Variants in MON2 observed in about 807,000 individuals in gnomAD.
MON2 encodes the protein MON2 regulator of endosome-to-Golgi trafficking.
MON2 carries 84 observed loss-of-function variants against 208.6 expected under a neutral mutation model. That is an observed-to-expected ratio of 0.40 (90% CI 0.34 to 0.48). MON2 has a LOEUF of 0.48. MON2 is among the 20% of genes least tolerant of loss of function. MON2 has a pLI of 0.59. For missense variants in MON2, 1,611 were observed against 2,015.4 expected (o/e 0.80, Z 3.84); for synonymous variants, 660 against 694.0 (o/e 0.95, Z 0.77).
chr12:62,579,960 A>G (rs1320195058), intron 31 of MON2, among the ~76,000 whole-genome samples: 3 of 152,132 alleles, frequency 2.0e-5, no homozygotes, highest in Non-Finnish European at 4.4e-5. Context: ...TCTTAATCCT[A>G]TTTTGAATAT....
At chr12:62,582,576 A>G (rs763717564) in intron 32 of MON2, among the ~76,000 whole-genome samples, 6 of 152,186 alleles carry the variant, frequency 3.9e-5, no homozygotes, top group Non-Finnish European at 7.3e-5. Context: ...TCTTCAGTCA[A>G]TAATGTAAAA....
intron 7 of MON2, among the ~76,000 whole-genome samples, chr12:62,506,554 C>A (rs768482917): frequency 6.6e-6 from 1 of 151,914 alleles, no homozygotes; most frequent in Non-Finnish European, 1.5e-5. Flanking sequence ...GGTGAAACCC[C>A]GTCTCTACTA....
At chr12:62,470,872 G>C in intron 1 of MON2, 2 of 388,894 alleles carry the variant, frequency 5.1e-6, no homozygotes, top group Non-Finnish European at 7.1e-6. Flanking sequence ...TTGATATTTA[G>C]TAACATTGCC....
chr12:62,563,341 T>A (rs2074264952), intron 26 of MON2, among the ~76,000 whole-genome samples: 1 of 152,212 alleles, frequency 6.6e-6, no homozygotes, highest in South Asian at 2.1e-4. Flanking sequence ...GTTATTTTCA[T>A]CATCAAGTTC....
In MON2 at chr12:62,598,579, C is replaced by T. The variant is rs1262453807; in HGVS notation, c.*5830C>T. 2.6e-5 allele frequency: 4 copies of T among 152,164 alleles called. No individual in the cohort carries two copies. Among genetic ancestry groups the T allele is most frequent in the Non-Finnish European group, 5.9e-5 (4 of 68,024 alleles). The allele number at this position is 152,164 out of a possible 1,614,324, so 9.4% of individuals were successfully genotyped here. ...ATAATTTAACACGTAACATACAACT[C>T]CTGTCTCTTAAGGCAGCTACCATAT... On this transcript the variant is annotated 3_prime_UTR_variant, in exon 35 of 35. Transcript: ENST00000393630.
At chr12:62,538,624 T>C (rs966523049) in intron 19 of MON2, 119 bp downstream of exon 19, 1 of 712,396 alleles carries the variant, frequency 1.4e-6, no homozygotes, top group Non-Finnish European at 2.3e-6. Context: ...GTAACCATAC[T>C]CTGTTGGGTT....
chr12:62,541,136 C>G (rs1381364689), intron 19 of MON2, among the ~76,000 whole-genome samples: 3 of 152,236 alleles, frequency 2.0e-5, no homozygotes, highest in Non-Finnish European at 4.4e-5. Flanking sequence ...AATCCCAGCA[C>G]TTTGGGAGGC....
chr12:62,474,203 C>T (rs1459766493), intron 1 of MON2, among the ~76,000 whole-genome samples: 5 of 151,560 alleles, frequency 3.3e-5, no homozygotes, highest in African/African-American at 7.3e-5. Flanking sequence ...ACTGCAACCT[C>T]CGCCTCCCAG....
chr12:62,578,429 T>TG lies in MON2; in HGVS notation c.4515-15dup, dbSNP rs2074872634. ...GAATATTTTATCTTTAAAAATCAAG[T>TG]GTTTTTTTTTTTTAGCATACCTCCA... On this transcript the variant is annotated splice_polypyrimidine_tract_variant and intron_variant, in intron 30 of 34. Coordinates refer to ENST00000393630, the MANE Select transcript of MON2 (RefSeq NM_015026.3). The TG allele has an allele frequency of 3.5e-6, 4 of 1,143,756 alleles. No individual in the cohort carries two copies. The highest frequency in any genetic ancestry group is 2.0e-5 in the African/African-American group (1 of 49,414). The allele number at this position is 1,143,756 out of a possible 1,614,324, so 70.9% of individuals were successfully genotyped here.
chr12:62,487,357 T>A (rs2069863343), intron 2 of MON2, among the ~76,000 whole-genome samples: 1 of 152,090 alleles, frequency 6.6e-6, no homozygotes, highest in South Asian at 2.1e-4. Context: ...CATAATCTGC[T>A]TTTTGCATAA....
chr12:62,566,398 C>G lies in MON2; in HGVS notation c.4271C>G (p.Thr1424Arg), dbSNP rs777494858. 6.2e-7 allele frequency: 1 copy of G among 1,613,664 alleles called. No homozygotes were observed. The highest frequency in any genetic ancestry group is 1.1e-5 in the South Asian group (1 of 91,048). Residue 1424 changes from threonine (T) to arginine (R), a missense_variant, in exon 29 of 35, where the codon ACA becomes AGA. Thr to Arg is a moderately conservative substitution (Grantham distance 71). Transcript: ENST00000393630. ...LEVVVDLYQK[T>R]ACHKAVVNEK... The stretch of plus-strand genomic sequence containing the variant: ...GTAGTTGTGGATTTATACCAAAAAA[C>G]AGCGTGTCACAAAGCAGTGGTGAAT...
At chr12:62,587,190 T>C (rs1051626890) in intron 33 of MON2, among the ~76,000 whole-genome samples, 1 of 152,214 alleles carries the variant, frequency 6.6e-6, no homozygotes, top group Non-Finnish European at 1.5e-5. Flanking sequence ...TCATTGCTAA[T>C]GTCTCCAAAT....
At chr12:62,498,892 C>A in intron 4 of MON2, 27 bp from the exon 5 acceptor site, 1 of 1,564,332 alleles carries the variant, frequency 6.4e-7, no homozygotes, top group East Asian at 2.3e-5. Context: ...AATCTTATTT[C>A]ACACTAAATG....
chr12:62,471,421 T>C (rs1009792568), intron 1 of MON2, among the ~76,000 whole-genome samples: 3 of 152,122 alleles, frequency 2.0e-5, no homozygotes, highest in African/African-American at 7.2e-5. Flanking sequence ...TGACCTAAGG[T>C]GATCTGCCCG....
chr12:62,538,066 ATTTGT>A (rs10554980), intron 16 of MON2, 25 bp from the exon 17 acceptor site: 566,234 of 1,579,656 alleles, frequency 0.36, 101,780 homozygotes, highest in African/African-American at 0.4. Context: ...TTGTAAAGTT[ATTTGT>A]TTTGATTTTT....
Position 62,595,035 on chromosome 12 carries a change from G to A in MON2, c.*2286G>A, listed in dbSNP as rs2075494952. The A allele has an allele frequency of 6.6e-6, 1 of 152,122 alleles. No homozygotes were observed. Among genetic ancestry groups the A allele is most frequent in the African/African-American group, 2.4e-5 (1 of 41,420 alleles). 9.4% of individuals were successfully genotyped at this position (152,122 alleles called of 1,614,324 possible). On this transcript the variant is annotated 3_prime_UTR_variant, in exon 35 of 35. Coordinates refer to ENST00000393630, the MANE Select transcript of MON2 (RefSeq NM_015026.3). The stretch of plus-strand genomic sequence containing the variant: ...TATTCGATGCCAGGAGATTCAAAAA[G>A]GAAGCTCTCAAAGATAAGATCATTT...
At chr12:62,522,380 A>G (rs925514923) in intron 8 of MON2, among the ~76,000 whole-genome samples, 3 of 152,184 alleles carry the variant, frequency 2.0e-5, no homozygotes, top group Admixed American at 1.3e-4. Flanking sequence ...GCTCCTGACA[A>G]ATAGACTCCT....
intron 3 of MON2, among the ~76,000 whole-genome samples, chr12:62,494,773 A>T (rs879791515): frequency 6.6e-6 from 1 of 152,200 alleles, no homozygotes; most frequent in Admixed American, 6.5e-5. Flanking sequence ...GGTATTACAA[A>T]ACTGCTTGCT....
Position 62,536,309 on chromosome 12 carries a change from A to T in MON2, c.1900+600A>T, listed in dbSNP as rs79592165. ...ATTCAAAAATTTATTTTCTTGTTGAATTCTTTAAGAATACTTGTTTGTTAC... is the reference window on the plus strand; with the variant it reads ...ATTCAAAAATTTATTTTCTTGTTGATTTCTTTAAGAATACTTGTTTGTTAC... On this transcript the variant is annotated intron_variant, in intron 14 of 34. Transcript: ENST00000393630. Among the ~76,000 whole-genome samples the T allele has an allele frequency of 1.5e-3, 227 of 152,222 alleles. 3 individuals are homozygous for T. In the East Asian group the frequency reaches 0.04, roughly 27 times the overall value.
Sources: gnomAD v4.1 joint callset for allele counts (sites outside exome capture counted in the v4.1 genomes callset) on GRCh38, gnomAD v4.1.1 for gene constraint, MANE v1.5 for transcripts, NCBI Gene and HGNC (gene_info 2026-07-23, HGNC 2026-07-21) for gene names.